The following OR56A3 variants were observed in gnomAD, a reference collection of about 807,000 sequenced individuals.
OR56A3 encodes olfactory receptor family 56 subfamily A member 3, also known as olfactory receptor 56A3.
In OR56A3, 23 loss-of-function variants were observed where a neutral mutation model predicts 17.5. The observed-to-expected ratio is 1.32, with a 90% confidence interval of 0.95 to 1.87. OR56A3 has a LOEUF of 1.87. Ranked by LOEUF, OR56A3 falls within the 40% of genes most tolerant of loss-of-function variation. The pLI is 0.00. For synonymous variants in OR56A3, 175 were observed against 150.6 expected, an observed-to-expected ratio of 1.16 and a Z score of -1.19; for missense variants, 366 against 380.1, an observed-to-expected ratio of 0.96 and a Z score of 0.31.
chr11:5,991,861 T>C, the OR56A3 span, among the ~76,000 whole-genome samples: 2 of 152,134 alleles, frequency 1.3e-5, no homozygotes, highest in African/African-American at 4.8e-5. Context: ...AATTGGCAGG[T>C]CCCAGAGGAC....
At chr11:5,943,123 ACTT>A (rs1221786487) in intron 1 of OR56A3, among the ~76,000 whole-genome samples, 2 of 152,232 alleles carry the variant, frequency 1.3e-5, no homozygotes, top group Non-Finnish European at 2.9e-5. Flanking sequence ...CAGATGCTTT[ACTT>A]CTAGGGATGA....
chr11:6,017,122 AAT>A, the OR56A3 span: 1 of 152,154 alleles, frequency 6.6e-6, no homozygotes, highest in Non-Finnish European at 1.5e-5. Context: ...GAAAAAAAAA[AAT>A]TCTGAAAGAT....
At chr11:5,956,324 A>G (rs975669025), downstream of OR56A3, among the ~76,000 whole-genome samples, 1 of 152,210 alleles carries the variant, frequency 6.6e-6, no homozygotes, top group Non-Finnish European at 1.5e-5. Flanking sequence ...CTTCAGCTTC[A>G]AAGAGTGTGT....
the OR56A3 span, among the ~76,000 whole-genome samples, chr11:5,998,007 T>C: frequency 6.6e-6 from 1 of 152,112 alleles, no homozygotes; most frequent in Admixed American, 6.5e-5. Context: ...AAAAATGCCT[T>C]GGAAAGCCTC....
chr11:5,968,539 G>T, the OR56A3 span: 7 of 1,295,434 alleles, frequency 5.4e-6, no homozygotes, highest in Non-Finnish European at 5.4e-6. Flanking sequence ...AATTGTGTTT[G>T]ATAAGACACA....
At chr11:5,981,257 T>G in the OR56A3 span, among the ~76,000 whole-genome samples, 1 of 152,218 alleles carries the variant, frequency 6.6e-6, no homozygotes, top group African/African-American at 2.4e-5. Context: ...CAAATGTGTT[T>G]TCCAAGTTGC....
the OR56A3 span, among the ~76,000 whole-genome samples, chr11:6,012,570 T>G: frequency 6.6e-6 from 1 of 152,184 alleles, no homozygotes; most frequent in Non-Finnish European, 1.5e-5. Context: ...TCCCTGCAGC[T>G]GGTCATCTCA....
the OR56A3 span, chr11:5,985,982 T>A: frequency 6.2e-7 from 1 of 1,612,072 alleles, no homozygotes; most frequent in Non-Finnish European, 8.5e-7. Context: ...CGCTGGCGGA[T>A]CTGCTGAGTC....
At chr11:5,956,518 CA>C in the OR56A3 span, among the ~76,000 whole-genome samples, 1 of 152,200 alleles carries the variant, frequency 6.6e-6, no homozygotes, top group African/African-American at 2.4e-5. Context: ...AATGAAACAA[CA>C]ACTATAAAAC....
the OR56A3 span, chr11:6,006,542 T>C: frequency 6.6e-6 from 1 of 152,366 alleles, no homozygotes; most frequent in East Asian, 1.9e-4. Flanking sequence ...AATGGAAGAT[T>C]TGAGCCCAGC....
the OR56A3 span, chr11:5,994,477 G>A: frequency 1.3e-6 from 1 of 755,160 alleles, no homozygotes; most frequent in Non-Finnish European, 2.4e-6. Flanking sequence ...TCAACCCAGA[G>A]CTGGCAATCT....
At chr11:5,989,191 G>A in the OR56A3 span, among the ~76,000 whole-genome samples, 2 of 152,282 alleles carry the variant, frequency 1.3e-5, no homozygotes, top group East Asian at 3.9e-4. Context: ...TCACCTCTCA[G>A]TGCTTAACAT....
chr11:5,982,392 T>A, the OR56A3 span, among the ~76,000 whole-genome samples: 1 of 151,630 alleles, frequency 6.6e-6, no homozygotes, highest in Non-Finnish European at 1.5e-5. Flanking sequence ...TCAGCAGGGG[T>A]CGGGGGGCTT....
the OR56A3 span, among the ~76,000 whole-genome samples, chr11:6,007,620 GAGAA>G: frequency 6.6e-6 from 1 of 151,502 alleles, no homozygotes. Flanking sequence ...AAGGAGGGAA[GAGAA>G]AGAAAAAGAA....
the OR56A3 span, among the ~76,000 whole-genome samples, chr11:5,990,851 G>A: frequency 6.6e-6 from 1 of 152,186 alleles, no homozygotes; most frequent in Non-Finnish European, 1.5e-5. Context: ...CCTGGAGGGA[G>A]ACTGCAACAC....
At position 5,948,551 on chromosome 11, in the gene OR56A3, A is replaced by G. The variant is rs934530942; in HGVS notation, c.*257A>G. On this transcript the variant is annotated 3_prime_UTR_variant, in exon 3 of 3. Coordinates refer to ENST00000641160, the MANE Select transcript of OR56A3 (RefSeq NM_001003443.3). ...TGTCCAAAACACTGACATTCCTTAA[A>G]GCAGATTTTAAAGTGAAAAATGTAT... The G allele has an allele frequency of 2.4e-6, 1 of 424,154 alleles. No homozygotes were observed. The highest frequency in any genetic ancestry group is 2.0e-5 in the African/African-American group (1 of 51,006). The allele number at this position is 424,154 out of a possible 1,614,324, so 26.3% of individuals were successfully genotyped here. A position where few individuals can be genotyped will look rare whatever the true frequency, so the allele number is the denominator to read the frequency against.
At chr11:5,978,994 T>C in the OR56A3 span, among the ~76,000 whole-genome samples, 2 of 152,214 alleles carry the variant, frequency 1.3e-5, no homozygotes. Flanking sequence ...TTTTTAGTTC[T>C]GTTTGTGAGA....
chr11:6,015,141 A>C, the OR56A3 span, among the ~76,000 whole-genome samples: 1 of 152,174 alleles, frequency 6.6e-6, no homozygotes, highest in East Asian at 1.9e-4. Context: ...AGGCTGCAGA[A>C]ATATGCATAA....
At chr11:5,983,569 G>T in the OR56A3 span, among the ~76,000 whole-genome samples, 11 of 152,068 alleles carry the variant, frequency 7.2e-5, no homozygotes, top group African/African-American at 2.4e-4. Context: ...GGATGAGAAG[G>T]CTCCCTCATA....
Sources: allele counts gnomAD v4.1 joint callset (sites outside exome capture counted in the v4.1 genomes callset), GRCh38; gene constraint gnomAD v4.1.1; transcripts MANE v1.5; gene names NCBI Gene and HGNC (gene_info 2026-07-23, HGNC 2026-07-21).